The following ABLIM2 variants were observed in gnomAD, a reference collection of about 807,000 sequenced individuals.
ABLIM2 encodes the protein actin binding LIM protein family member 2.
In ABLIM2, 53 loss-of-function variants were observed where a neutral mutation model predicts 97.7. That is an observed-to-expected ratio of 0.54 (90% confidence interval 0.44 to 0.68). The LOEUF is 0.68. Ranked by LOEUF, ABLIM2 falls within the 30% of genes least tolerant of loss-of-function variation. ABLIM2 has a pLI of 0.00. For synonymous variants in ABLIM2, 361 were observed against 345.8 expected (o/e 1.04, Z -0.49); for missense variants, 835 against 867.2 (o/e 0.96, Z 0.47).
At chr4:8,134,062 C>T (rs371514383) in intron 1 of ABLIM2, among the ~76,000 whole-genome samples, 8 of 152,220 alleles carry the variant, frequency 5.3e-5, no homozygotes, top group South Asian at 4.2e-4. Flanking sequence ...CACAGGCGGG[C>T]GGATGGGCCT....
In ABLIM2 at chr4:8,058,305, A is replaced by G. The variant is rs774792604; in HGVS notation, c.763+2662T>C. ...CGGGCTCTCGAGCAGAGACTCAAGG[A>G]ACAGGCGACACCGGGGACGAGGCTG... On this transcript the variant is annotated intron_variant, in intron 7 of 20. Transcript: ENST00000447017. This position sits in a 1 kb window ranked among gnomAD's most constrained non-coding sequence, Gnocchi z 4.2. Among the ~76,000 whole-genome samples, 1 of 152,184 alleles carries G rather than the reference A, an allele frequency of 6.6e-6. No homozygotes were observed. The highest frequency in any genetic ancestry group is 1.5e-5 in the Non-Finnish European group (1 of 68,020).
rs1355280783 is a variant in ABLIM2 at position 8,004,848 on chromosome 4, A to G, written c.1618+3211T>C. Among the ~76,000 whole-genome samples the G allele has an allele frequency of 6.6e-6, 1 of 152,386 alleles. No individual in the cohort carries two copies. The highest frequency in any genetic ancestry group is 1.9e-4 in the East Asian group (1 of 5,188). ...ATAAACAGGAACAGAAAAGCAGTCA[A>G]TAATAAAATATAGATTTCACTATGA... On this transcript the variant is annotated intron_variant, in intron 16 of 20. Coordinates refer to ENST00000447017, the MANE Select transcript of ABLIM2 (RefSeq NM_001130083.2). This position sits in a 1 kb window ranked among gnomAD's most constrained non-coding sequence, Gnocchi z 5.9.
chr4:7,982,890 G>C (rs544922751), intron 20 of ABLIM2, among the ~76,000 whole-genome samples: 6 of 152,230 alleles, frequency 3.9e-5, no homozygotes, highest in African/African-American at 1.4e-4. Context: ...TTTTAGTAGA[G>C]AGGGGTTTCA....
intron 20 of ABLIM2, among the ~76,000 whole-genome samples, chr4:7,981,394 G>A (rs546678609): frequency 2.6e-5 from 4 of 152,178 alleles, no homozygotes; most frequent in East Asian, 1.9e-4. Context: ...TTTCCAGACC[G>A]AACCAATGTG....
chr4:8,059,469 G>A (rs151044353), intron 7 of ABLIM2, among the ~76,000 whole-genome samples: 24 of 152,188 alleles, frequency 1.6e-4, no homozygotes, highest in African/African-American at 5.5e-4. Context: ...TCTTCTCAGT[G>A]GAGAAGGCAC....
intron 11 of ABLIM2, among the ~76,000 whole-genome samples, chr4:8,028,508 C>A (rs1365768111): frequency 6.6e-6 from 1 of 152,200 alleles, no homozygotes; most frequent in Non-Finnish European, 1.5e-5. Context: ...TTCATTCAAT[C>A]ACTCATTTAC....
chr4:8,030,857 G>A (rs930232550), intron 10 of ABLIM2, among the ~76,000 whole-genome samples: 1 of 152,158 alleles, frequency 6.6e-6, no homozygotes, highest in Non-Finnish European at 1.5e-5. Flanking sequence ...CCGTCACATC[G>A]TTGGATCCAA....
rs577938044 is a variant in ABLIM2, at chr4:8,069,002, C to T, written c.676-7948G>A. ...CCACTGCATCCCAGAAAGAAGGGCC[C>T]CACTCTGAGCAGTGCCCAGCAAGGC... On this transcript the variant is annotated intron_variant, in intron 6 of 20. Transcript: ENST00000447017. The surrounding 1 kb of genome is among the most constrained non-coding windows in gnomAD (Gnocchi z 4.2). Among the ~76,000 whole-genome samples the T allele has an allele frequency of 1.3e-5, 2 of 152,260 alleles. No homozygotes were observed. Among genetic ancestry groups the T allele is most frequent in the Admixed American group, 1.3e-4 (2 of 15,294 alleles).
At chr4:8,131,673 CTGAG>C (rs1849398008) in intron 1 of ABLIM2, among the ~76,000 whole-genome samples, 1 of 121,520 alleles carries the variant, frequency 8.2e-6, no homozygotes, top group East Asian at 2.4e-4. Flanking sequence ...TCCCGCATCC[CTGAG>C]CACAGCAGCC....
intron 2 of ABLIM2, among the ~76,000 whole-genome samples, chr4:8,105,518 C>A (rs1476036065): frequency 6.6e-6 from 1 of 152,218 alleles, no homozygotes; most frequent in Non-Finnish European, 1.5e-5. Flanking sequence ...TGAAAATCAT[C>A]ATGCTCAATT....
intron 1 of ABLIM2, among the ~76,000 whole-genome samples, chr4:8,121,844 C>T (rs1162750081): frequency 2.0e-5 from 3 of 152,212 alleles, no homozygotes; most frequent in East Asian, 3.8e-4. Flanking sequence ...CTTTCAGTTC[C>T]TGTGTCCAGG....
At position 8,004,653 on chromosome 4, in the gene ABLIM2, C is replaced by G. The variant is rs574902658; in HGVS notation, c.1618+3406G>C. On this transcript the variant is annotated intron_variant, in intron 16 of 20. Coordinates refer to ENST00000447017, the MANE Select transcript of ABLIM2 (RefSeq NM_001130083.2). This position sits in a 1 kb window ranked among gnomAD's most constrained non-coding sequence, Gnocchi z 5.9. ...CCCAAGCAGCAGCAGGCCCTACTGC[C>G]GGGGACACGGAGTCCACACCACCTT... 2.0e-5 allele frequency among the ~76,000 whole-genome samples: 3 copies of G among 152,092 alleles called. No homozygotes were observed. The highest frequency in any genetic ancestry group is 4.4e-5 in the Non-Finnish European group (3 of 68,006).
At chr4:8,017,848 G>T (rs1002022897) in intron 14 of ABLIM2, among the ~76,000 whole-genome samples, 1 of 152,062 alleles carries the variant, frequency 6.6e-6, no homozygotes, top group South Asian at 2.1e-4. Flanking sequence ...AAAAAAATTA[G>T]CTGGCACGAT....
chr4:8,026,183 TCAGA>T (rs1777231479), intron 12 of ABLIM2, among the ~76,000 whole-genome samples: 1 of 152,202 alleles, frequency 6.6e-6, no homozygotes, highest in South Asian at 2.1e-4. Flanking sequence ...TTTTCTTTTT[TCAGA>T]CAAAGGGTCT....
chr4:8,087,075 G>T lies in ABLIM2; in HGVS notation c.454+1094C>A, dbSNP rs1343002020. 2.0e-5 allele frequency among the ~76,000 whole-genome samples: 3 copies of T among 152,212 alleles called. No homozygotes were observed. The East Asian group carries it at 5.8e-4, about 29-fold the overall frequency. Reference sequence around the variant, plus strand: ...AGAGACTCTCAACGCAGCAGACAAGGTGGGGGAGAAAGGAGGCATTTGACA... The same window carrying T: ...AGAGACTCTCAACGCAGCAGACAAGTTGGGGGAGAAAGGAGGCATTTGACA... On this transcript the variant is annotated intron_variant, in intron 4 of 20. Transcript: ENST00000447017. This position sits in a 1 kb window ranked among gnomAD's most constrained non-coding sequence, Gnocchi z 4.6.
At chr4:8,121,785 A>T (rs1356043927) in intron 1 of ABLIM2, among the ~76,000 whole-genome samples, 1 of 152,228 alleles carries the variant, frequency 6.6e-6, no homozygotes, top group Non-Finnish European at 1.5e-5. Context: ...ACTGCAGGGC[A>T]CTGTCCAGTG....
At chr4:8,096,508 T>C (rs567882524) in intron 3 of ABLIM2, among the ~76,000 whole-genome samples, 61 of 152,316 alleles carry the variant, frequency 4.0e-4, no homozygotes, top group Admixed American at 1.3e-3. Context: ...CCTCCTGTCC[T>C]TAGCATCCTC....
Position 7,992,927 on chromosome 4 carries a change from C to G in ABLIM2, c.1619G>C (p.Arg540Pro). The change falls in exon 17 of 21, where the codon CGA (arginine) becomes CCA (proline). Residue 540 changes from arginine to proline, a missense_variant and splice_region_variant. Arg to Pro is a moderately radical substitution (Grantham distance 103). Coordinates refer to ENST00000447017, the MANE Select transcript of ABLIM2 (RefSeq NM_001130083.2). The surrounding 1 kb of genome is among the most constrained non-coding windows in gnomAD (Gnocchi z 5.7). ...QRMAGDSFHS[R>P]FPYSKSDPLP... The stretch of plus-strand genomic sequence containing the variant: ...AGGGTCAGATTTGGAATAGGGGAAT[C>G]CTGAAACAGACACAGCACAGCTTTG... 1 of 1,612,866 alleles carries G rather than the reference C, an allele frequency of 6.2e-7. No homozygotes were observed. The highest frequency in any genetic ancestry group is 8.5e-7 in the Non-Finnish European group (1 of 1,179,728).
chr4:8,128,970 C>CCACCA lies in ABLIM2; in HGVS notation c.11-22338_11-22334dup, dbSNP rs1848947763. On this transcript the variant is annotated intron_variant, in intron 1 of 20. Transcript: ENST00000447017. The surrounding 1 kb of genome is among the most constrained non-coding windows in gnomAD (Gnocchi z 4.9). ...AAAATAAATGTCTATTATTCAGAAG[C>CCACCA]CACCAGTCTATGAGGCTTCGTTGAG... Among the ~76,000 whole-genome samples the CCACCA allele has an allele frequency of 1.3e-5, 2 of 152,206 alleles. No individual in the cohort carries two copies. Among genetic ancestry groups the CCACCA allele is most frequent in the African/African-American group, 2.4e-5 (1 of 41,516 alleles).
Sources: allele counts gnomAD v4.1 joint callset (sites outside exome capture counted in the v4.1 genomes callset), GRCh38; gene constraint gnomAD v4.1.1; non-coding constraint Gnocchi (gnomAD v3.1); transcripts MANE v1.5; gene names NCBI Gene and HGNC (gene_info 2026-07-23, HGNC 2026-07-21).